DNM3: variants seen among roughly 807,000 people sequenced by gnomAD.
The protein encoded by DNM3 is dynamin-3.
Under a neutral mutation model 101.6 loss-of-function variants are expected in DNM3, and 47 were observed. The ratio of observed to expected loss-of-function variants is 0.46; its 90% confidence interval spans 0.37 to 0.59. DNM3 has a LOEUF of 0.59. Ranked by LOEUF, DNM3 falls within the 20% of genes least tolerant of loss-of-function variation. The probability of loss-of-function intolerance (pLI) is 0.00; values close to 1 mark genes in which losing one functional copy is unlikely to be tolerated. For missense variants in DNM3, 849 were observed against 1,085.7 expected, an observed-to-expected ratio of 0.78 and a Z score of 3.06; for synonymous variants, 385 against 387.9, an observed-to-expected ratio of 0.99 and a Z score of 0.09.
intron 17 of DNM3, among the ~76,000 whole-genome samples, chr1:172,364,869 C>G (rs1465908136): frequency 6.6e-6 from 1 of 151,880 alleles, no homozygotes; most frequent in Non-Finnish European, 1.5e-5. Flanking sequence ...ATGTGAAGTG[C>G]TTGTTCCCCC....
chr1:172,380,499 GAAGA>G (rs2068837001), intron 18 of DNM3, among the ~76,000 whole-genome samples: 1 of 152,010 alleles, frequency 6.6e-6, no homozygotes, highest in Admixed American at 6.6e-5. Flanking sequence ...TGGATGCTTT[GAAGA>G]ATCAGCAACA....
chr1:172,045,359 G>T (rs1272951691), intron 9 of DNM3, among the ~76,000 whole-genome samples: 3 of 152,152 alleles, frequency 2.0e-5, no homozygotes, highest in Non-Finnish European at 4.4e-5. Flanking sequence ...TGTGAGCATG[G>T]TCGGGTTCTG....
intron 14 of DNM3, chr1:172,139,767 T>C (rs1311709916): frequency 6.6e-6 from 1 of 152,158 alleles, no homozygotes; most frequent in Non-Finnish European, 1.5e-5. Context: ...ATTCATTTCA[T>C]ATCCAAAAAA....
chr1:172,010,310 T>C (rs754867462), intron 4 of DNM3, among the ~76,000 whole-genome samples: 1 of 151,914 alleles, frequency 6.6e-6, no homozygotes, highest in Non-Finnish European at 1.5e-5. Flanking sequence ...TTAAATACCT[T>C]TGTGTAGATT....
intron 11 of DNM3, among the ~76,000 whole-genome samples, chr1:172,080,324 G>T (rs1311719694): frequency 6.6e-6 from 1 of 152,194 alleles, no homozygotes; most frequent in Non-Finnish European, 1.5e-5. Context: ...GCCCTGCCCA[G>T]AGAGGAGGAA....
chr1:172,085,374 T>G (rs1400612668), intron 12 of DNM3, among the ~76,000 whole-genome samples: 2 of 152,140 alleles, frequency 1.3e-5, no homozygotes, highest in Non-Finnish European at 2.9e-5. Context: ...AATCCTCTTT[T>G]GAACAAAAAG....
intron 14 of DNM3, among the ~76,000 whole-genome samples, chr1:172,202,760 C>T (rs982601804): frequency 6.6e-6 from 1 of 152,066 alleles, no homozygotes; most frequent in Non-Finnish European, 1.5e-5. Flanking sequence ...ATAGATTTTA[C>T]ATTTGATAAA....
At chr1:171,985,242 T>A (rs2045161182) in intron 2 of DNM3, among the ~76,000 whole-genome samples, 1 of 152,258 alleles carries the variant, frequency 6.6e-6, no homozygotes, top group Non-Finnish European at 1.5e-5. Context: ...AAAACACAGT[T>A]CCATTTCTTC....
intron 4 of DNM3, among the ~76,000 whole-genome samples, chr1:171,991,383 C>A (rs559118809): frequency 6.6e-6 from 1 of 152,240 alleles, no homozygotes; most frequent in Non-Finnish European, 1.5e-5. Flanking sequence ...GGGGTTTCTA[C>A]AACCTTCTTC....
chr1:172,181,803 G>GTTT (rs71688883), intron 14 of DNM3, among the ~76,000 whole-genome samples: 1 of 138,072 alleles, frequency 7.2e-6, no homozygotes. Flanking sequence ...TGAAGACAGG[G>GTTT]TTTTTTTTTT....
intron 17 of DNM3, among the ~76,000 whole-genome samples, chr1:172,351,127 A>C (rs2067185200): frequency 6.6e-6 from 1 of 152,188 alleles, no homozygotes; most frequent in African/African-American, 2.4e-5. Flanking sequence ...AGGAAAATTT[A>C]GTGCCACAAA....
chr1:172,261,830 A>C (rs2062665946), intron 15 of DNM3, among the ~76,000 whole-genome samples: 1 of 152,152 alleles, frequency 6.6e-6, no homozygotes, highest in South Asian at 2.1e-4. Context: ...CCCTGGGAGA[A>C]GTGCTTAGGT....
chr1:171,862,422 G>A (rs974363725), intron 1 of DNM3, among the ~76,000 whole-genome samples: 2 of 152,136 alleles, frequency 1.3e-5, no homozygotes, highest in African/African-American at 4.8e-5. Context: ...AAGGAATTAA[G>A]TACTGATACA....
chr1:172,206,913 A>G (rs2060342139), intron 14 of DNM3, among the ~76,000 whole-genome samples: 1 of 152,074 alleles, frequency 6.6e-6, no homozygotes, highest in Non-Finnish European at 1.5e-5. Context: ...TTAATTTGTC[A>G]CTACTCCTCT....
At chr1:172,250,950 T>A (rs1050653478) in intron 14 of DNM3, among the ~76,000 whole-genome samples, 1 of 152,192 alleles carries the variant, frequency 6.6e-6, no homozygotes, top group Admixed American at 6.6e-5. Flanking sequence ...TGTTTAATAA[T>A]GCTTTGTTTA....
chr1:172,042,308 G>C (rs1218951251), intron 8 of DNM3, among the ~76,000 whole-genome samples, 164 bp downstream of exon 8: 3 of 152,088 alleles, frequency 2.0e-5, no homozygotes, highest in Non-Finnish European at 4.4e-5. Flanking sequence ...TGTTCTTACT[G>C]ATGATTCTGA....
At chr1:171,928,714 G>A (rs2040772505) in intron 2 of DNM3, among the ~76,000 whole-genome samples, 1 of 152,162 alleles carries the variant, frequency 6.6e-6, no homozygotes, top group Non-Finnish European at 1.5e-5. Context: ...GTTGCTCCCG[G>A]AGGCTTTGTC....
intron 7 of DNM3, among the ~76,000 whole-genome samples, chr1:172,041,642 A>G (rs980100330): frequency 6.6e-6 from 1 of 152,066 alleles, no homozygotes; most frequent in Non-Finnish European, 1.5e-5. Context: ...AGCATTTGGG[A>G]CACTAGGTGG....
Position 172,068,914 on chromosome 1 carries a change from A to T in DNM3, c.1422+9A>T, listed in dbSNP as rs765745229. 1.7e-5 allele frequency: 26 copies of T among 1,555,058 alleles called. No individual in the cohort carries two copies. In the South Asian group the frequency reaches 2.9e-4, roughly 17 times the overall value. On this transcript the variant is annotated intron_variant, in intron 11 of 20. Transcript: ENST00000627582. ...GGAAGACAAAGGACCAGGTAAAGAG[A>T]GGTCTTCCCTGGTGGGCAGGGAGAT... is the stretch of plus-strand genomic sequence containing the variant.
Sources: allele counts gnomAD v4.1 joint callset (sites outside exome capture counted in the v4.1 genomes callset), GRCh38; gene constraint gnomAD v4.1.1; transcripts MANE v1.5; gene names NCBI Gene and HGNC (gene_info 2026-07-23, HGNC 2026-07-21).